The following TRIM69 variants were observed in gnomAD, a reference collection of about 807,000 sequenced individuals.
The protein encoded by TRIM69 is E3 ubiquitin-protein ligase TRIM69.
TRIM69 carries 29 observed loss-of-function variants against 37.7 expected under a neutral mutation model. The observed-to-expected ratio is 0.77, with a 90% CI of 0.57 to 1.05. The LOEUF (loss-of-function observed/expected upper bound fraction) is 1.05. TRIM69 is among the 50% of genes least tolerant of loss of function. TRIM69 has a pLI of 0.00. For missense variants in TRIM69, 596 were observed against 579.9 expected (o/e 1.03, Z -0.28); for synonymous variants, 209 against 212.4 (o/e 0.98, Z 0.14).
At chr15:44,754,274 C>A (rs940094174) in intron 1 of TRIM69, 1 of 152,118 alleles carries the variant, frequency 6.6e-6, no homozygotes, top group Non-Finnish European at 1.5e-5. Flanking sequence ...TTACAGGCGC[C>A]TGCCACCACA....
Position 44,736,725 on chromosome 15 carries a change from T to TC in TRIM69, c.6+15_6+16insC, listed in dbSNP as rs1023762597. The TC allele has an allele frequency of 1.2e-6, 2 of 1,611,784 alleles. No individual in the cohort carries two copies. The highest frequency in any genetic ancestry group is 1.7e-5 in the Admixed American group (1 of 59,780). On this transcript the variant is annotated intron_variant, in intron 1 of 6. Coordinates refer to ENST00000329464, the MANE Select transcript of TRIM69 (RefSeq NM_182985.5). ...GCTTCATGGAGGTGAGTGACCCTTT[T>TC]TTTTTTTAACTTAGCAGGGCTTCTA...
chr15:44,754,347 A>G (rs2087598016), intron 1 of TRIM69: 1 of 152,390 alleles, frequency 6.6e-6, no homozygotes, highest in East Asian at 1.9e-4. Context: ...ATCCTGTGTT[A>G]GCCAGGATGG....
rs1246128520 is a variant in TRIM69 at position 44,758,814 on chromosome 15, A to G, written c.773A>G (p.Gln258Arg). ...GCCAAGGATATGTTGGTGAGCATTC[A>G]GGCAAAGACGGAACAACAGAACTCC... ...LLAKDMLVSI[Q>R]AKTEQQNSFD... The change falls in exon 4 of 7, where the codon CAG becomes CGG. Residue 258 changes from glutamine (Q) to arginine (R), a missense_variant. Physicochemically the swap from Gln to Arg is conservative, Grantham distance 43. Coordinates refer to ENST00000329464, the MANE Select transcript of TRIM69 (RefSeq NM_182985.5). 2 of 1,614,056 alleles carry G rather than the reference A, an allele frequency of 1.2e-6. No individual in the cohort carries two copies. The highest frequency in any genetic ancestry group is 1.7e-6 in the Non-Finnish European group (2 of 1,179,968).
At position 44,760,029 on chromosome 15, in the gene TRIM69, TAGTA is replaced by T. The variant is rs1270350760; in HGVS notation, c.961+158_961+161del. Among the ~76,000 whole-genome samples the T allele has an allele frequency of 1.1e-4, 16 of 152,208 alleles. 1 individual carries two copies. Among genetic ancestry groups the T allele is most frequent in the African/African-American group, 3.4e-4 (14 of 41,452 alleles). On this transcript the variant is annotated intron_variant, in intron 6 of 6. Coordinates refer to ENST00000329464, the MANE Select transcript of TRIM69 (RefSeq NM_182985.5). ...CTAGTTGGTATGACTGAATTTCTTC[TAGTA>T]CCATGACCTAAGAATTTATGACTTT...
Position 44,755,298 on chromosome 15 carries a change from T to C in TRIM69, c.405T>C (p.Phe135=). 5 of 1,614,160 alleles carry C rather than the reference T, an allele frequency of 3.1e-6. No individual in the cohort carries two copies. The highest frequency in any genetic ancestry group is 4.2e-6 in the Non-Finnish European group (5 of 1,180,026). ...AACCAGATGGGAAACTGATCTGCTTTCAATGCAAGGATGCTCGGTTGTCTG... is the reference window on the plus strand; with the variant it reads ...AACCAGATGGGAAACTGATCTGCTTCCAATGCAAGGATGCTCGGTTGTCTG... ...FSKPDGKLIC[F]QCKDARLSVG... is the part of the protein sequence containing the mutation. The change falls in exon 2 of 7, where the codon TTT becomes TTC. Residue 135 remains phenylalanine, a synonymous_variant. Coordinates refer to ENST00000329464, the MANE Select transcript of TRIM69 (RefSeq NM_182985.5).
intron 1 of TRIM69, chr15:44,753,935 C>G (rs901080276): frequency 5.9e-5 from 9 of 152,054 alleles, no homozygotes; most frequent in African/African-American, 1.5e-4. Context: ...AGGCTGGTCT[C>G]TAACTCCTGA....
At chr15:44,749,950 G>C (rs573092833) in intron 1 of TRIM69, among the ~76,000 whole-genome samples, 1 of 152,236 alleles carries the variant, frequency 6.6e-6, no homozygotes, top group African/African-American at 2.4e-5. Context: ...TTTCACTGTG[G>C]CTTCGATTTG....
At chr15:44,754,340 C>G (rs1456199676) in intron 1 of TRIM69, 1 of 151,978 alleles carries the variant, frequency 6.6e-6, no homozygotes, top group Non-Finnish European at 1.5e-5. Context: ...GCTAACCATC[C>G]TGTGTTAGCC....
At chr15:44,737,005 T>A (rs971161843) in intron 1 of TRIM69, among the ~76,000 whole-genome samples, 9 of 152,216 alleles carry the variant, frequency 5.9e-5, no homozygotes, top group African/African-American at 2.2e-4. Context: ...TATTTTAGAT[T>A]TAAAAATTAT....
intron 1 of TRIM69, among the ~76,000 whole-genome samples, chr15:44,745,162 T>C (rs540910397): frequency 2.2e-4 from 33 of 151,942 alleles, no homozygotes; most frequent in African/African-American, 8.0e-4. Context: ...ACTAAGGAAG[T>C]TGTAAACTGT....
intron 1 of TRIM69, among the ~76,000 whole-genome samples, chr15:44,742,767 T>G (rs62025034): frequency 0.031 from 4,551 of 147,102 alleles, 85 homozygotes; most frequent in South Asian, 0.044. Flanking sequence ...GGGACGTGAA[T>G]GACCTCTTCA....
intron 1 of TRIM69, among the ~76,000 whole-genome samples, chr15:44,737,004 T>C (rs943674369): frequency 1.3e-5 from 2 of 152,224 alleles, no homozygotes; most frequent in African/African-American, 2.4e-5. Flanking sequence ...TTATTTTAGA[T>C]TTAAAAATTA....
intron 1 of TRIM69, among the ~76,000 whole-genome samples, chr15:44,740,882 C>G (rs1411133858): frequency 6.6e-6 from 1 of 152,164 alleles, no homozygotes; most frequent in African/African-American, 2.4e-5. Context: ...TTTTAACACC[C>G]CACTGCCAAC....
At chr15:44,740,820 T>A (rs1257880684) in intron 1 of TRIM69, among the ~76,000 whole-genome samples, 9 of 151,870 alleles carry the variant, frequency 5.9e-5, no homozygotes, top group Admixed American at 5.9e-4. Context: ...ATAAAGCAAG[T>A]CCTGAGTGAC....
At position 44,746,671 on chromosome 15, in the gene TRIM69, A is replaced by G. The variant is rs182178051; in HGVS notation, c.7-8229A>G. Among the ~76,000 whole-genome samples, 45 of 152,254 alleles carry G rather than the reference A, an allele frequency of 3.0e-4. No individual in the cohort carries two copies. In the East Asian group the frequency reaches 8.3e-3, roughly 28 times the overall value. ...AAGGCATCCACACTGATTAATGCTG[A>G]AAGTCCATTACCCAGTCTAGTCAAA... On this transcript the variant is annotated intron_variant, in intron 1 of 6. Transcript: ENST00000329464.
rs2087612230 is a variant in TRIM69, at chr15:44,754,971, ACC to A, written c.80_81del (p.Pro27LeufsTer2). 3 of 1,614,074 alleles carry A rather than the reference ACC, an allele frequency of 1.9e-6. No individual in the cohort carries two copies. Among genetic ancestry groups the A allele is most frequent in the African/African-American group, 1.3e-5 (1 of 75,000 alleles). On this transcript the variant is annotated frameshift_variant, in exon 2 of 7. Transcript: ENST00000329464. LOFTEE classifies it high-confidence loss of function. Reference sequence around the variant, plus strand: ...AAATGAATGATTCAATCACCCACCTACCCTCTAAAGTGGTGATACAAGATATT... The same window carrying A: ...AAATGAATGATTCAATCACCCACCTACTCTAAAGTGGTGATACAAGATATT... ...VEMNDSITHLPSKVVIQDITM... is the reference protein window; with the variant it reads ...VEMNDSITHLXSKVVIQDITM...
intron 1 of TRIM69, chr15:44,753,703 G>A (rs1411425897): frequency 6.6e-6 from 1 of 152,130 alleles, no homozygotes; most frequent in Middle Eastern, 3.4e-3. Context: ...GAAGTTTTCA[G>A]CCATTACTTT....
intron 1 of TRIM69, among the ~76,000 whole-genome samples, chr15:44,739,798 G>T (rs1263867939): frequency 6.6e-6 from 1 of 151,768 alleles, no homozygotes; most frequent in South Asian, 2.1e-4. Context: ...ACCTCTGGGG[G>T]CAGGGCACAG....
intron 1 of TRIM69, among the ~76,000 whole-genome samples, chr15:44,739,223 AC>A (rs1184043732): frequency 1.3e-5 from 2 of 152,136 alleles, no homozygotes; most frequent in East Asian, 3.9e-4. Flanking sequence ...TTTTAAACAT[AC>A]TTTAAAAACA....
Sources: allele counts gnomAD v4.1 joint callset (sites outside exome capture counted in the v4.1 genomes callset), GRCh38; gene constraint gnomAD v4.1.1; transcripts MANE v1.5; gene names NCBI Gene and HGNC (gene_info 2026-07-23, HGNC 2026-07-21).